Variants in EDIL3 observed in about 807,000 individuals in gnomAD.
EDIL3 encodes EGF-like repeat and discoidin I-like domain-containing protein 3.
Under a neutral mutation model 67.4 loss-of-function variants are expected in EDIL3, and 37 were observed. The observed-to-expected ratio is 0.55, with a 90% CI of 0.42 to 0.72. The LOEUF (loss-of-function observed/expected upper bound fraction) is 0.72, where lower values mean the gene tolerates loss of function less well. EDIL3 is among the 30% of genes least tolerant of loss of function. The pLI is 0.00. For missense variants in EDIL3, 527 were observed against 586.3 expected, an observed-to-expected ratio of 0.90 and a Z score of 1.04; for synonymous variants, 195 against 196.3, an observed-to-expected ratio of 0.99 and a Z score of 0.05.
chr5:84,003,527 CAAAT>C (rs1745366631), intron 9 of EDIL3, among the ~76,000 whole-genome samples: 1 of 152,148 alleles, frequency 6.6e-6, no homozygotes, highest in Non-Finnish European at 1.5e-5. Context: ...TTAAAGAAAA[CAAAT>C]TCTAAGCAAG....
At chr5:83,963,061 C>A (rs1348145987) in intron 10 of EDIL3, 144 bp downstream of exon 10, 2 of 1,155,532 alleles carry the variant, frequency 1.7e-6, no homozygotes, top group Non-Finnish European at 2.3e-6. Flanking sequence ...CAGTACTATT[C>A]TTTAAAGCTT....
At chr5:84,382,373 GC>G (rs1163863895) in intron 1 of EDIL3, among the ~76,000 whole-genome samples, 4 of 152,172 alleles carry the variant, frequency 2.6e-5, no homozygotes, top group African/African-American at 9.7e-5. Context: ...GCCGGGACTT[GC>G]CGCGCCCCGG....
intron 9 of EDIL3, among the ~76,000 whole-genome samples, chr5:84,048,904 T>C (rs1296778034): frequency 6.6e-6 from 1 of 152,134 alleles, no homozygotes; most frequent in African/African-American, 2.4e-5. Context: ...GCATGATCAT[T>C]AGCAATGTCC....
rs377619566 is a variant in EDIL3 at position 84,344,696 on chromosome 5, A to C, written c.67+39612T>G. Among the ~76,000 whole-genome samples, 16 of 152,222 alleles carry C rather than the reference A, an allele frequency of 1.1e-4. No homozygotes were observed. The South Asian group carries it at 2.3e-3, about 22-fold the overall frequency. ...ACTGTTAAACATTTAAATGAGAATA[A>C]TTTTGACATATTGGATTAAATAAAA... On this transcript the variant is annotated intron_variant, in intron 1 of 10. Transcript: ENST00000296591.
intron 5 of EDIL3, among the ~76,000 whole-genome samples, chr5:84,135,359 T>C (rs1217185718): frequency 6.6e-6 from 1 of 152,214 alleles, no homozygotes; most frequent in African/African-American, 2.4e-5. Flanking sequence ...AATCCAGGTA[T>C]TGTTTTAATC....
chr5:84,270,541 G>C (rs1345777651), intron 1 of EDIL3, among the ~76,000 whole-genome samples: 1 of 152,032 alleles, frequency 6.6e-6, no homozygotes, highest in African/African-American at 2.4e-5. Context: ...ATTAATTCTA[G>C]AACAATTCTT....
At chr5:83,988,636 T>C (rs1580267218) in intron 9 of EDIL3, among the ~76,000 whole-genome samples, 1 of 152,286 alleles carries the variant, frequency 6.6e-6, no homozygotes, top group African/African-American at 2.4e-5. Flanking sequence ...AAAGTAGCCT[T>C]CATAACAACT....
intron 3 of EDIL3, among the ~76,000 whole-genome samples, chr5:84,209,766 T>C (rs1368542381): frequency 1.3e-5 from 2 of 152,222 alleles, no homozygotes; most frequent in Non-Finnish European, 1.5e-5. Flanking sequence ...CACGAATTTA[T>C]TGAGTGTCTA....
At chr5:84,337,510 C>T (rs2112173012) in intron 1 of EDIL3, among the ~76,000 whole-genome samples, 1 of 152,122 alleles carries the variant, frequency 6.6e-6, no homozygotes, top group African/African-American at 2.4e-5. Flanking sequence ...TTACTATATA[C>T]ATGTATATCT....
chr5:84,238,610 T>C (rs192426273), intron 2 of EDIL3, among the ~76,000 whole-genome samples: 77 of 151,438 alleles, frequency 5.1e-4, no homozygotes, highest in African/African-American at 1.7e-3. Context: ...AGTGAGTTAA[T>C]GACTGCTTTA....
chr5:84,234,350 C>CAT (rs1315460288), intron 2 of EDIL3, among the ~76,000 whole-genome samples: 5 of 152,138 alleles, frequency 3.3e-5, no homozygotes, highest in African/African-American at 9.7e-5. Context: ...GACAGGAAGG[C>CAT]ATCATACAGA....
chr5:84,051,778 G>A (rs1018750176), intron 9 of EDIL3, among the ~76,000 whole-genome samples: 1 of 152,082 alleles, frequency 6.6e-6, no homozygotes. Context: ...AAAAAGAAAC[G>A]AACAAAGCCT....
intron 6 of EDIL3, among the ~76,000 whole-genome samples, chr5:84,079,430 G>A (rs1431219733): frequency 6.6e-6 from 1 of 152,022 alleles, no homozygotes; most frequent in Admixed American, 6.6e-5. Flanking sequence ...TGGGGTTAGT[G>A]TAAGAGTGTG....
intron 1 of EDIL3, among the ~76,000 whole-genome samples, chr5:84,325,720 A>C (rs1307407950): frequency 2.0e-5 from 3 of 152,090 alleles, no homozygotes; most frequent in Non-Finnish European, 4.4e-5. Flanking sequence ...CAATGGCTAA[A>C]ACTAGGAAGC....
intron 1 of EDIL3, among the ~76,000 whole-genome samples, chr5:84,314,967 T>C (rs1746481659): frequency 6.6e-6 from 1 of 152,186 alleles, no homozygotes; most frequent in African/African-American, 2.4e-5. Context: ...ATAGGAAGCA[T>C]AATGTGTGCT....
At chr5:84,188,561 T>TC (rs1743515220) in intron 3 of EDIL3, among the ~76,000 whole-genome samples, 1 of 151,754 alleles carries the variant, frequency 6.6e-6, no homozygotes, top group Non-Finnish European at 1.5e-5. Context: ...CTAAACTGTG[T>TC]CCCCCCGAGA....
intron 6 of EDIL3, among the ~76,000 whole-genome samples, chr5:84,094,514 G>GA (rs150974770): frequency 0.031 from 4,684 of 148,976 alleles, 118 homozygotes; most frequent in African/African-American, 0.077. Context: ...GGCTGAAAAT[G>GA]AAAAAAAAAA....
At chr5:84,191,727 T>A (rs777407777) in intron 3 of EDIL3, among the ~76,000 whole-genome samples, 101 of 151,664 alleles carry the variant, frequency 6.7e-4, no homozygotes, top group South Asian at 1.7e-3. Context: ...ATATTTTTTT[T>A]AAAAAAAAGG....
At chr5:84,012,344 T>C (rs1211810573) in intron 9 of EDIL3, among the ~76,000 whole-genome samples, 1 of 152,184 alleles carries the variant, frequency 6.6e-6, no homozygotes, top group Non-Finnish European at 1.5e-5. Flanking sequence ...ATACCTATTT[T>C]TCAAAGCTTT....
Sources: gnomAD v4.1 joint callset for allele counts (sites outside exome capture counted in the v4.1 genomes callset) on GRCh38, gnomAD v4.1.1 for gene constraint, MANE v1.5 for transcripts, NCBI Gene and HGNC (gene_info 2026-07-23, HGNC 2026-07-21) for gene names.